Variants in MICU1 observed in about 807,000 individuals in gnomAD.
The protein encoded by MICU1 is calcium uptake protein 1, mitochondrial.
A neutral mutation model predicts 56.8 loss-of-function variants in MICU1; 45 were observed. The ratio of observed to expected loss-of-function variants is 0.79; its 90% confidence interval spans 0.62 to 1.02. The LOEUF is 1.02. MICU1 is among the 50% of genes least tolerant of loss of function. The pLI is 0.00. For missense variants in MICU1, 504 were observed against 587.1 expected, an observed-to-expected ratio of 0.86 and a Z score of 1.46; for synonymous variants, 186 against 195.1, an observed-to-expected ratio of 0.95 and a Z score of 0.39.
intron 1 of MICU1, among the ~76,000 whole-genome samples, chr10:72,577,690 C>CA (rs893080191): frequency 6.6e-4 from 100 of 151,898 alleles, no homozygotes; most frequent in Middle Eastern, 3.4e-3. Context: ...CTGCTAGCGT[C>CA]AAAAAAATTG....
At chr10:72,448,173 G>GTGTGTGTGTATATA (rs1393436881) in intron 8 of MICU1, among the ~76,000 whole-genome samples, 44 of 77,174 alleles carry the variant, frequency 5.7e-4, no homozygotes, top group African/African-American at 2.1e-3. Flanking sequence ...ATATGTGTGT[G>GTGTGTGTGTATATA]TATATATATA....
chr10:72,541,424 T>C (rs1176414448), intron 4 of MICU1, among the ~76,000 whole-genome samples: 1 of 152,222 alleles, frequency 6.6e-6, no homozygotes, highest in Admixed American at 6.5e-5. Flanking sequence ...ATCACTATTA[T>C]AGAATCTAAG....
intron 10 of MICU1, among the ~76,000 whole-genome samples, chr10:72,381,687 C>T (rs1298650567): frequency 1.3e-5 from 2 of 152,146 alleles, no homozygotes; most frequent in Non-Finnish European, 2.9e-5. Flanking sequence ...ACTTCCAGGA[C>T]ACACCACGGA....
At chr10:72,557,883 C>T (rs1440689638) in intron 3 of MICU1, among the ~76,000 whole-genome samples, 3 of 152,190 alleles carry the variant, frequency 2.0e-5, no homozygotes, top group Admixed American at 6.5e-5. Context: ...CAGCAGACTA[C>T]TTTCTTTCGC....
chr10:72,392,526 G>A (rs936236877), intron 10 of MICU1, among the ~76,000 whole-genome samples: 8 of 152,054 alleles, frequency 5.3e-5, no homozygotes, highest in Admixed American at 4.6e-4. Context: ...AGCCAAGATT[G>A]TACCACTGCA....
chr10:72,369,853 C>T (rs1018284224), intron 11 of MICU1, among the ~76,000 whole-genome samples: 3 of 151,662 alleles, frequency 2.0e-5, no homozygotes, highest in Admixed American at 6.6e-5. Flanking sequence ...CAACTAGAGG[C>T]GCATGCCACC....
intron 1 of MICU1, among the ~76,000 whole-genome samples, chr10:72,599,564 T>C (rs1246751771): frequency 6.6e-6 from 1 of 152,310 alleles, no homozygotes; most frequent in South Asian, 2.1e-4. Flanking sequence ...ACAGTGCTTA[T>C]GTTATTTTAC....
chr10:72,433,518 C>T (rs1242522458), intron 8 of MICU1, among the ~76,000 whole-genome samples: 2 of 151,830 alleles, frequency 1.3e-5, no homozygotes, highest in African/African-American at 4.8e-5. Flanking sequence ...AGCTCCGCCT[C>T]CCAGGTTCAC....
intron 1 of MICU1, among the ~76,000 whole-genome samples, chr10:72,619,581 T>C (rs57969927): frequency 0.022 from 3,285 of 152,322 alleles, 121 homozygotes; most frequent in African/African-American, 0.076. Context: ...AGACCCAGTT[T>C]CTGGCATCAA....
chr10:72,562,913 A>G lies in MICU1; in HGVS notation c.312T>C (p.Ser104=). Reference sequence around the variant, plus strand: ...TTCATACTTTTCTGTCTCTGAATCCAGAACGTTTCTTCTTTTTCTCTTCTG... The same window carrying G: ...TTCATACTTTTCTGTCTCTGAATCCGGAACGTTTCTTCTTTTTCTCTTCTG... ...PHPEEKKKKR[S]GFRDRKVMEY... Residue 104 remains serine (S), a synonymous_variant, in exon 3 of 12, where the codon TCT becomes TCC. Transcript: ENST00000361114. 3 of 1,596,694 alleles carry G rather than the reference A, an allele frequency of 1.9e-6. No homozygotes were observed. Among genetic ancestry groups the G allele is most frequent in the East Asian group, 4.5e-5 (2 of 44,604 alleles).
chr10:72,597,793 G>A (rs1191514790), intron 1 of MICU1, among the ~76,000 whole-genome samples: 1 of 152,156 alleles, frequency 6.6e-6, no homozygotes, highest in East Asian at 1.9e-4. Flanking sequence ...TGCAGCTGAA[G>A]GAGGCTGGAT....
At chr10:72,389,308 G>A (rs763264161) in intron 10 of MICU1, among the ~76,000 whole-genome samples, 4 of 152,150 alleles carry the variant, frequency 2.6e-5, no homozygotes, top group Non-Finnish European at 5.9e-5. Context: ...CCAATTATTA[G>A]ACTCAAAGAA....
rs75632174 is a variant in MICU1 at position 72,494,583 on chromosome 10, G to A, written c.652+13572C>T. Among the ~76,000 whole-genome samples, 1,371 of 151,256 alleles carry A rather than the reference G, an allele frequency of 9.1e-3. 8 individuals are homozygous for A. Among genetic ancestry groups the A allele is most frequent in the Non-Finnish European group, 0.016 (1,099 of 67,868 alleles). On this transcript the variant is annotated intron_variant, in intron 6 of 11. Coordinates refer to ENST00000361114, the MANE Select transcript of MICU1 (RefSeq NM_001195518.2). The stretch of plus-strand genomic sequence containing the variant: ...AATGGCTAAAAAGAGCTCTTTATTC[G>A]TTATCAGTGTGATCTACTTAATGGC...
chr10:72,477,737 G>GTCAGGAGT lies in MICU1; in HGVS notation c.653-489_653-482dup, dbSNP rs1866167728. ...TTCTAGTCTCTTTGTTGTAAGTGCA[G>GTCAGGAGT]TCAGGAGTTCTGGGCATGTCACCCT... On this transcript the variant is annotated intron_variant, in intron 6 of 11. Transcript: ENST00000361114. 6.8e-6 allele frequency: 4 copies of GTCAGGAGT among 587,698 alleles called. No individual in the cohort carries two copies. The South Asian group carries it at 8.7e-5, about 13-fold the overall frequency. 36.4% of individuals were successfully genotyped at this position (587,698 alleles called of 1,614,324 possible).
intron 6 of MICU1, among the ~76,000 whole-genome samples, chr10:72,505,607 A>G (rs998472803): frequency 3.9e-5 from 6 of 152,212 alleles, no homozygotes; most frequent in African/African-American, 1.4e-4. Flanking sequence ...GTGGTACACA[A>G]CACTATGGAA....
intron 6 of MICU1, among the ~76,000 whole-genome samples, chr10:72,499,636 G>T (rs753163876): frequency 6.6e-6 from 1 of 152,068 alleles, no homozygotes; most frequent in Non-Finnish European, 1.5e-5. Context: ...TCCAGACATA[G>T]AAATTATGAA....
intron 6 of MICU1, among the ~76,000 whole-genome samples, chr10:72,489,301 C>G (rs2132299446): frequency 7.1e-6 from 1 of 140,378 alleles, no homozygotes; most frequent in African/African-American, 3.2e-5. Context: ...CACACACACA[C>G]ACACACACAC....
At chr10:72,410,998 C>T (rs1349532008) in intron 9 of MICU1, among the ~76,000 whole-genome samples, 5 of 152,088 alleles carry the variant, frequency 3.3e-5, no homozygotes, top group Admixed American at 1.3e-4. Context: ...AAACAAAATG[C>T]GGCATATACA....
chr10:72,441,314 C>G (rs1364810770), intron 8 of MICU1, among the ~76,000 whole-genome samples: 1 of 151,654 alleles, frequency 6.6e-6, no homozygotes, highest in Non-Finnish European at 1.5e-5. Context: ...AAACCAAACA[C>G]CACATGTTTG....
Sources: gnomAD v4.1 joint callset for allele counts (sites outside exome capture counted in the v4.1 genomes callset) on GRCh38, gnomAD v4.1.1 for gene constraint, MANE v1.5 for transcripts, NCBI Gene and HGNC (gene_info 2026-07-23, HGNC 2026-07-21) for gene names.